The following SYT1 variants were observed in gnomAD, a reference collection of about 807,000 sequenced individuals.
The protein encoded by SYT1 is synaptotagmin-1.
In SYT1, 8 loss-of-function variants were observed where a neutral mutation model predicts 44.8. The observed-to-expected ratio is 0.18, with a 90% CI of 0.10 to 0.32. The LOEUF (loss-of-function observed/expected upper bound fraction) is 0.32, where lower values mean the gene tolerates loss of function less well. Among genes scored for constraint, SYT1 ranks in the 10% least tolerant of loss-of-function variants. The probability of loss-of-function intolerance (pLI) is 1.00; values close to 1 mark genes in which losing one functional copy is unlikely to be tolerated. For synonymous variants in SYT1, 154 were observed against 188.8 expected (o/e 0.82, Z 1.51); for missense variants, 286 against 509.3 (o/e 0.56, Z 4.22).
chr12:79,446,135 T>C (rs544419050), intron 10 of SYT1, among the ~76,000 whole-genome samples: 13 of 150,228 alleles, frequency 8.7e-5, no homozygotes, highest in Middle Eastern at 3.5e-3. Flanking sequence ...TAATTTTATA[T>C]GTGAAAAAAC....
intron 9 of SYT1, among the ~76,000 whole-genome samples, chr12:79,434,962 A>G (rs986497111): frequency 2.0e-5 from 3 of 152,080 alleles, no homozygotes; most frequent in Non-Finnish European, 4.4e-5. Context: ...TGGCCTTCCT[A>G]ATGATTTAAA....
chr12:78,944,662 G>C (rs1378830190), intron 1 of SYT1, among the ~76,000 whole-genome samples: 1 of 152,056 alleles, frequency 6.6e-6, no homozygotes, highest in Non-Finnish European at 1.5e-5. Flanking sequence ...ATTTGTTACA[G>C]AACAGAAATA....
chr12:79,297,684 A>G (rs1193513881), intron 7 of SYT1, among the ~76,000 whole-genome samples: 1 of 152,138 alleles, frequency 6.6e-6, no homozygotes, highest in Non-Finnish European at 1.5e-5. Context: ...CCAAAGTATA[A>G]TATATTCTGC....
At chr12:79,439,338 G>C (rs1395693490) in intron 9 of SYT1, among the ~76,000 whole-genome samples, 2 of 152,146 alleles carry the variant, frequency 1.3e-5, no homozygotes, top group Non-Finnish European at 2.9e-5. Context: ...CCCATCTCAC[G>C]CTGCGAGACC....
intron 2 of SYT1, among the ~76,000 whole-genome samples, chr12:79,024,464 T>C (rs1461980156): frequency 2.0e-5 from 3 of 151,830 alleles, no homozygotes; most frequent in Non-Finnish European, 2.9e-5. Context: ...GTGTAATGTA[T>C]CTTTAACATT....
At chr12:79,286,755 T>G (rs1331996674) in intron 5 of SYT1, among the ~76,000 whole-genome samples, 1 of 152,176 alleles carries the variant, frequency 6.6e-6, no homozygotes, top group Non-Finnish European at 1.5e-5. Flanking sequence ...TTAATGATAA[T>G]TATTAAATGC....
intron 3 of SYT1, among the ~76,000 whole-genome samples, chr12:79,158,770 A>G (rs1272417113): frequency 6.6e-6 from 1 of 151,858 alleles, no homozygotes; most frequent in African/African-American, 2.4e-5. Flanking sequence ...AGTGGAGCAC[A>G]CCTGTAGTCC....
At chr12:78,866,764 CAG>C (rs1320115260) in intron 1 of SYT1, among the ~76,000 whole-genome samples, 2 of 152,078 alleles carry the variant, frequency 1.3e-5, no homozygotes, top group African/African-American at 2.4e-5. Flanking sequence ...AGGGGAAATG[CAG>C]AGTCTTACTT....
chr12:79,445,041 G>A (rs577784719), intron 10 of SYT1, among the ~76,000 whole-genome samples: 12 of 152,102 alleles, frequency 7.9e-5, no homozygotes, highest in Admixed American at 2.0e-4. Flanking sequence ...AATAATTGGC[G>A]CAGGTGTATA....
intron 1 of SYT1, among the ~76,000 whole-genome samples, chr12:78,906,827 G>T (rs1876012236): frequency 6.6e-6 from 1 of 152,046 alleles, no homozygotes; most frequent in Non-Finnish European, 1.5e-5. Context: ...TCATTTTCAG[G>T]TTAACATCTC....
chr12:79,329,838 A>C (rs1248041000), intron 8 of SYT1, among the ~76,000 whole-genome samples: 1 of 152,230 alleles, frequency 6.6e-6, no homozygotes, highest in Non-Finnish European at 1.5e-5. Flanking sequence ...AGCCATATGG[A>C]AACGGAGAAG....
chr12:79,265,836 A>C (rs1878095603), intron 4 of SYT1, among the ~76,000 whole-genome samples: 2 of 152,194 alleles, frequency 1.3e-5, no homozygotes, highest in South Asian at 4.1e-4. Context: ...AAGAAGAGTA[A>C]AACTATTAGC....
At chr12:79,327,194 T>C (rs1466669099) in intron 8 of SYT1, among the ~76,000 whole-genome samples, 1 of 152,068 alleles carries the variant, frequency 6.6e-6, no homozygotes, top group African/African-American at 2.4e-5. Flanking sequence ...TTTTGTCTGT[T>C]CAGAAGTACT....
At chr12:79,050,539 T>C (rs550375430) in intron 3 of SYT1, among the ~76,000 whole-genome samples, 1 of 152,024 alleles carries the variant, frequency 6.6e-6, no homozygotes, top group Non-Finnish European at 1.5e-5. Context: ...AGGGTGTGTT[T>C]AAAAAATCAT....
chr12:79,172,163 T>C (rs1172642816), intron 3 of SYT1, among the ~76,000 whole-genome samples: 2 of 152,010 alleles, frequency 1.3e-5, no homozygotes, highest in African/African-American at 4.8e-5. Context: ...TTGCATTTCA[T>C]TGGAGTTTTA....
intron 2 of SYT1, among the ~76,000 whole-genome samples, chr12:79,032,254 G>C (rs923990835): frequency 6.6e-6 from 1 of 151,138 alleles, no homozygotes; most frequent in East Asian, 1.9e-4. Context: ...ACTGTGAACT[G>C]AAGATTAGTT....
intron 3 of SYT1, among the ~76,000 whole-genome samples, chr12:79,178,942 AG>A (rs773225307): frequency 0.33 from 13,116 of 39,894 alleles, 3,524 homozygotes; most frequent in African/African-American, 0.5. Context: ...ATATAGATAT[AG>A]ATATAGATAT....
intron 3 of SYT1, among the ~76,000 whole-genome samples, chr12:79,067,375 T>G (rs1431928277): frequency 6.6e-6 from 1 of 152,132 alleles, no homozygotes; most frequent in Non-Finnish European, 1.5e-5. Flanking sequence ...ACTGTGGAAT[T>G]GGAATTTGAA....
At chr12:79,440,928 C>T (rs999603563) in intron 9 of SYT1, among the ~76,000 whole-genome samples, 1 of 152,126 alleles carries the variant, frequency 6.6e-6, no homozygotes, top group South Asian at 2.1e-4. Context: ...TTAGGGATAT[C>T]GCTAAAGGGA....
Sources: gnomAD v4.1 joint callset for allele counts (sites outside exome capture counted in the v4.1 genomes callset) on GRCh38, gnomAD v4.1.1 for gene constraint, MANE v1.5 for transcripts, NCBI Gene and HGNC (gene_info 2026-07-23, HGNC 2026-07-21) for gene names.